Variants in SMOC2 observed in about 807,000 individuals in gnomAD.
The protein encoded by SMOC2 is SPARC related modular calcium binding 2, also known as SPARC-related modular calcium-binding protein 2.
Under a neutral mutation model 61.4 loss-of-function variants are expected in SMOC2, and 39 were observed. The ratio of observed to expected loss-of-function variants is 0.64; its 90% confidence interval spans 0.49 to 0.83. The LOEUF (loss-of-function observed/expected upper bound fraction) is 0.83, where lower values mean the gene tolerates loss of function less well. Among genes scored for constraint, SMOC2 ranks in the 40% least tolerant of loss-of-function variants. The pLI is 0.00. For synonymous variants in SMOC2, 247 were observed against 239.9 expected, an observed-to-expected ratio of 1.03 and a Z score of -0.27; for missense variants, 556 against 592.9, an observed-to-expected ratio of 0.94 and a Z score of 0.65.
In SMOC2 at chr6:168,527,697, G is replaced by C. The variant is rs1032447240; in HGVS notation, c.433G>C (p.Ala145Pro). ...CAACGGGAGGCCCATCAGCGGCACT[G>C]CCGTGGCCCACAAGACGCCCCGGTG... is the stretch of plus-strand genomic sequence containing the variant. ...TPNGRPISGT[A>P]VAHKTPRCPG... Residue 145 changes from alanine to proline, a missense_variant, in exon 4 of 13, where the codon GCC (alanine) becomes CCC (proline). Ala to Pro is a conservative substitution (Grantham distance 27). Transcript: ENST00000356284. The C allele has an allele frequency of 6.4e-7, 1 of 1,552,070 alleles. No individual in the cohort carries two copies.
intron 1 of SMOC2, among the ~76,000 whole-genome samples, chr6:168,469,944 CT>C (rs1387137489): frequency 6.6e-6 from 1 of 152,224 alleles, no homozygotes; most frequent in African/African-American, 2.4e-5. Flanking sequence ...GTTTTATCTG[CT>C]CACAGAAAAT....
At chr6:168,650,432 G>C (rs1366516539) in intron 9 of SMOC2, among the ~76,000 whole-genome samples, 2 of 152,170 alleles carry the variant, frequency 1.3e-5, no homozygotes, top group African/African-American at 2.4e-5. Context: ...CAGTTCTGAA[G>C]ATCAGTGAGA....
chr6:168,663,980 A>C, intron 11 of SMOC2, 94 bp from the exon 12 acceptor site: 10 of 1,043,940 alleles, frequency 9.6e-6, no homozygotes, highest in East Asian at 2.5e-5. Context: ...ACACCTTCCT[A>C]AAGTGATGTG....
At chr6:168,595,624 A>T (rs74884372) in intron 7 of SMOC2, among the ~76,000 whole-genome samples, 11,514 of 152,118 alleles carry the variant, frequency 0.076, 1,340 homozygotes, top group African/African-American at 0.25. Flanking sequence ...ATGGAATTGC[A>T]TTTCTCCAAT....
At chr6:168,652,394 A>C (rs889173662) in intron 10 of SMOC2, among the ~76,000 whole-genome samples, 1 of 152,210 alleles carries the variant, frequency 6.6e-6, no homozygotes, top group African/African-American at 2.4e-5. Context: ...CACACCCTCC[A>C]TCTCACGGAG....
intron 7 of SMOC2, among the ~76,000 whole-genome samples, chr6:168,557,885 T>C (rs1784284586): frequency 6.6e-6 from 1 of 152,226 alleles, no homozygotes; most frequent in Admixed American, 6.5e-5. Flanking sequence ...GGAAGTTCAT[T>C]TTTCAAAATC....
At chr6:168,601,143 C>G (rs1669536217) in intron 8 of SMOC2, among the ~76,000 whole-genome samples, 1 of 152,254 alleles carries the variant, frequency 6.6e-6, no homozygotes, top group Non-Finnish European at 1.5e-5. Flanking sequence ...CCAAGTGTCA[C>G]CAGTAGACAT....
chr6:168,602,141 C>T (rs553780152), intron 8 of SMOC2, among the ~76,000 whole-genome samples: 4 of 152,168 alleles, frequency 2.6e-5, no homozygotes, highest in Admixed American at 6.5e-5. Context: ...ACCTCTCCTG[C>T]GGTTTACACT....
At chr6:168,655,261 T>C in intron 11 of SMOC2, 1 of 384,242 alleles carries the variant, frequency 2.6e-6, no homozygotes, top group Non-Finnish European at 5.3e-6. Context: ...GCACCTGAGC[T>C]CCAACTAAAC....
intron 1 of SMOC2, among the ~76,000 whole-genome samples, chr6:168,490,499 AC>A (rs1782450513): frequency 6.6e-6 from 1 of 152,182 alleles, no homozygotes; most frequent in Non-Finnish European, 1.5e-5. Context: ...CTGCACGCCC[AC>A]CCATCTTCAA....
At position 168,525,266 on chromosome 6, in the gene SMOC2, G is replaced by A. The variant is rs1250369499; in HGVS notation, c.257-1080G>A. ...GTGACGTCGTCTCCTGTGGTGGGAG[G>A]CTGTTCTTAGGACAAGCCTTTTCCC... On this transcript the variant is annotated intron_variant, in intron 2 of 12. Transcript: ENST00000356284. 4.6e-5 allele frequency among the ~76,000 whole-genome samples: 7 copies of A among 152,348 alleles called. No individual in the cohort carries two copies. The East Asian group carries it at 1.4e-3, about 29-fold the overall frequency.
At chr6:168,584,143 A>T (rs1784990852) in intron 7 of SMOC2, among the ~76,000 whole-genome samples, 1 of 152,202 alleles carries the variant, frequency 6.6e-6, no homozygotes, top group Admixed American at 6.5e-5. Context: ...GGCGATTAAG[A>T]AGTTCACCCA....
intron 9 of SMOC2, among the ~76,000 whole-genome samples, chr6:168,628,403 G>T (rs142659884): frequency 6.6e-6 from 1 of 152,148 alleles, no homozygotes; most frequent in East Asian, 1.9e-4. Context: ...GAAACACTTC[G>T]TTCCAAAATG....
chr6:168,555,841 G>T (rs773083604), intron 7 of SMOC2, among the ~76,000 whole-genome samples: 7 of 152,110 alleles, frequency 4.6e-5, no homozygotes, highest in Non-Finnish European at 7.4e-5. Context: ...GACCCCTCTC[G>T]GCCCTGAGCC....
intron 1 of SMOC2, among the ~76,000 whole-genome samples, chr6:168,484,277 TTTGAA>T (rs1782278057): frequency 6.6e-6 from 1 of 152,066 alleles, no homozygotes; most frequent in African/African-American, 2.4e-5. Flanking sequence ...ATGCAAAGGA[TTTGAA>T]TGGACATTTT....
intron 7 of SMOC2, among the ~76,000 whole-genome samples, chr6:168,578,158 A>G (rs1280131856): frequency 6.6e-6 from 1 of 152,194 alleles, no homozygotes; most frequent in Admixed American, 6.5e-5. Context: ...TGCTGTGTGT[A>G]GCAGCTCCAG....
At chr6:168,576,956 A>G (rs1784818142) in intron 7 of SMOC2, among the ~76,000 whole-genome samples, 1 of 152,096 alleles carries the variant, frequency 6.6e-6, no homozygotes, top group South Asian at 2.1e-4. Context: ...AGAAGGGCCC[A>G]TCCTGGAGAT....
At chr6:168,442,805 C>T (rs1019296438) in intron 1 of SMOC2, among the ~76,000 whole-genome samples, 1 of 152,302 alleles carries the variant, frequency 6.6e-6, no homozygotes. Flanking sequence ...AATTCTTCTG[C>T]AGCAGCCCGG....
intron 8 of SMOC2, among the ~76,000 whole-genome samples, chr6:168,599,676 A>ACACACTCT (rs1291873755): frequency 9.2e-6 from 1 of 109,088 alleles, no homozygotes; most frequent in Non-Finnish European, 1.8e-5. Flanking sequence ...ACACTCCCCT[A>ACACACTCT]CACACTCTCA....
Sources: allele counts gnomAD v4.1 joint callset (sites outside exome capture counted in the v4.1 genomes callset), GRCh38; gene constraint gnomAD v4.1.1; transcripts MANE v1.5; gene names NCBI Gene and HGNC (gene_info 2026-07-23, HGNC 2026-07-21).